CLN5: variants seen among roughly 807,000 people sequenced by gnomAD.
The protein encoded by CLN5 is bis(monoacylglycero)phosphate synthase CLN5.
Under a neutral mutation model 36.7 loss-of-function variants are expected in CLN5, and 34 were observed. The observed-to-expected ratio is 0.93, with a 90% confidence interval of 0.71 to 1.23. CLN5 has a LOEUF of 1.23. CLN5 is among the 50% of genes most tolerant of loss of function. The pLI, the probability that CLN5 is intolerant of heterozygous loss-of-function variation, is 0.00. For synonymous variants in CLN5, 151 were observed against 155.1 expected, an observed-to-expected ratio of 0.97 and a Z score of 0.20; for missense variants, 427 against 439.4, an observed-to-expected ratio of 0.97 and a Z score of 0.25.
At chr13:76,995,761 T>C in intron 2 of CLN5, 141 bp from the exon 3 acceptor site, 1 of 737,050 alleles carries the variant, frequency 1.4e-6, no homozygotes, top group East Asian at 2.7e-5. Context: ...AGAGTGGATA[T>C]GACAGTAGCA....
Position 76,992,165 on chromosome 13 carries a change from C to A in CLN5, c.67C>A (p.Arg23Ser). 4 of 1,604,998 alleles carry A rather than the reference C, an allele frequency of 2.5e-6. No individual in the cohort carries two copies. The highest frequency in any genetic ancestry group is 3.4e-6 in the Non-Finnish European group (4 of 1,177,472). ...GCGGGGCGCGGGCGCGGCTCGGGGACGCGCTTCCTGGTGCTGGGCCCTGGC... is the reference window on the plus strand; with the variant it reads ...GCGGGGCGCGGGCGCGGCTCGGGGAAGCGCTTCCTGGTGCTGGGCCCTGGC... ...MRRGAGAARG[R>S]ASWCWALALL... Residue 23 changes from arginine (R) to serine (S), a missense_variant, in exon 1 of 4, where the codon CGC becomes AGC. Arg to Ser is a moderately radical substitution (Grantham distance 110, BLOSUM62 -1). Transcript: ENST00000377453.
Position 76,992,273 on chromosome 13 carries a change from T to G in CLN5, c.173+2T>G. On this transcript the variant is annotated splice_donor_variant, in intron 1 of 3. Coordinates refer to ENST00000377453, the MANE Select transcript of CLN5 (RefSeq NM_006493.4). LOFTEE classifies it high-confidence loss of function. The stretch of plus-strand genomic sequence containing the variant: ...GCGCCACTGGCCGGTGCCCTACAAG[T>G]GAGTGCGGCGGCGCGCGCACTGTCG... 1 of 1,560,604 alleles carries G rather than the reference T, an allele frequency of 6.4e-7. No homozygotes were observed. The highest frequency in any genetic ancestry group is 2.3e-5 in the East Asian group (1 of 43,008).
Position 76,992,199 on chromosome 13 carries a change from G to C in CLN5, c.101G>C (p.Trp34Ser). 1 of 1,603,768 alleles carries C rather than the reference G, an allele frequency of 6.2e-7. No homozygotes were observed. The highest frequency in any genetic ancestry group is 8.5e-7 in the Non-Finnish European group (1 of 1,177,908). ...ASWCWALALL[W>S]LAVVPGWSRV... Reference sequence around the variant, plus strand: ...TGGTGCTGGGCCCTGGCGCTGCTTTGGCTCGCGGTGGTTCCGGGCTGGTCC... The same window carrying C: ...TGGTGCTGGGCCCTGGCGCTGCTTTCGCTCGCGGTGGTTCCGGGCTGGTCC... Residue 34 changes from tryptophan to serine, a missense_variant, in exon 1 of 4, where the codon TGG (tryptophan) becomes TCG (serine). Physicochemically the swap from Trp to Ser is radical, Grantham distance 177. Transcript: ENST00000377453.
chr13:76,994,691 A>C (rs2034235364), intron 1 of CLN5: 1 of 185,904 alleles, frequency 5.4e-6, no homozygotes, highest in Non-Finnish European at 1.1e-5. Context: ...TTATCTGAAT[A>C]ATCTTAATGT....
intron 3 of CLN5, chr13:76,997,757 C>T (rs1028953581): frequency 6.6e-6 from 1 of 152,134 alleles, no homozygotes; most frequent in Non-Finnish European, 1.5e-5. Flanking sequence ...GAATGTTTCC[C>T]TAAAAATGCT....
At chr13:76,995,651 A>G in intron 2 of CLN5, 1 of 565,528 alleles carries the variant, frequency 1.8e-6, no homozygotes, top group Non-Finnish European at 3.2e-6. Context: ...GGAAATTATC[A>G]GCTTGTCCAC....
At position 77,000,997 on chromosome 13, in the gene CLN5, C is replaced by T. The variant is rs754002698; in HGVS notation, c.*28C>T. The T allele has an allele frequency of 1.3e-5, 20 of 1,587,550 alleles. No homozygotes were observed. Among genetic ancestry groups the T allele is most frequent in the Non-Finnish European group, 1.5e-5 (18 of 1,166,816 alleles). ...CACCTTAATTCTACTGCTCTTTTTTCTCCAATCACCAGCATCTGTTTTTCA... is the reference window on the plus strand; with the variant it reads ...CACCTTAATTCTACTGCTCTTTTTTTTCCAATCACCAGCATCTGTTTTTCA... On this transcript the variant is annotated 3_prime_UTR_variant, in exon 4 of 4. Coordinates refer to ENST00000377453, the MANE Select transcript of CLN5 (RefSeq NM_006493.4).
chr13:77,000,451 A>C lies in CLN5; in HGVS notation c.566-7A>C. ...CTAGGTGACTTTGTTTTGTTTTTTT[A>C]AACTAGGAAACATGTTCAACCAAAT... On this transcript the variant is annotated splice_region_variant and splice_polypyrimidine_tract_variant and intron_variant, in intron 3 of 3. Transcript: ENST00000377453. 1 of 1,608,836 alleles carries C rather than the reference A, an allele frequency of 6.2e-7. No individual in the cohort carries two copies.
chr13:77,000,095 C>CA (rs1413567856), intron 3 of CLN5: 1 of 152,706 alleles, frequency 6.5e-6, no homozygotes, highest in Non-Finnish European at 1.5e-5. Context: ...CATGGTAGCT[C>CA]AAACCTATAA....
chr13:76,995,794 T>C (rs1384135437), intron 2 of CLN5, 108 bp from the exon 3 acceptor site: 3 of 826,446 alleles, frequency 3.6e-6, no homozygotes, highest in Non-Finnish European at 6.3e-6. Flanking sequence ...AGCTGAACAG[T>C]TGTTCTACTT....
At position 77,003,426 on chromosome 13, in the gene CLN5, T is replaced by C. The variant is rs1004523673; in HGVS notation, c.*2457T>C. 3.9e-5 allele frequency: 6 copies of C among 152,332 alleles called. No individual in the cohort carries two copies. The South Asian group carries it at 6.2e-4, about 16-fold the overall frequency. The allele number at this position is 152,332 out of a possible 1,614,324, so 9.4% of individuals were successfully genotyped here. A position where few individuals can be genotyped will look rare whatever the true frequency, so the allele number is the denominator to read the frequency against. ...CAGACAGCATTAACATTTACAAAAG[T>C]ATTTCTTAAGAATTAAACCTGTCAG... On this transcript the variant is annotated 3_prime_UTR_variant, in exon 4 of 4. Coordinates refer to ENST00000377453, the MANE Select transcript of CLN5 (RefSeq NM_006493.4).
At chr13:76,992,565 G>C in intron 1 of CLN5, 1 of 498,270 alleles carries the variant, frequency 2.0e-6, no homozygotes, top group Non-Finnish European at 3.5e-6. Flanking sequence ...ATTTAATGGA[G>C]GGACTTCTGG....
In CLN5 at chr13:77,001,685, A is replaced by G; in HGVS notation, c.*716A>G. 1 of 152,270 alleles carries G rather than the reference A, an allele frequency of 6.6e-6. No individual in the cohort carries two copies. Among genetic ancestry groups the G allele is most frequent in the East Asian group, 1.9e-4 (1 of 5,206 alleles). The allele number at this position is 152,270 out of a possible 1,614,324, so 9.4% of individuals were successfully genotyped here. ...TGGCAGGTCACATTGAATGGCAGTG[A>G]TAATGATTAATCAAAGAACAAATGT... On this transcript the variant is annotated 3_prime_UTR_variant, in exon 4 of 4. Transcript: ENST00000377453.
At position 76,996,010 on chromosome 13, in the gene CLN5, C is replaced by A. The variant is rs546989392; in HGVS notation, c.448C>A (p.Arg150=). The change falls in exon 3 of 4, where the codon CGA becomes AGA. Residue 150 remains arginine (R), a synonymous_variant. Transcript: ENST00000377453. The part of the protein sequence containing the change: ...QLGNCTFPHL[R]PEMDAPFWCN... ...TGGCAACTGTACATTTCCCCATCTC[C>A]GACCTGAAATGGATGCCCCTTTCTG... 1 of 1,614,030 alleles carries A rather than the reference C, an allele frequency of 6.2e-7. No individual in the cohort carries two copies. Among genetic ancestry groups the A allele is most frequent in the South Asian group, 1.1e-5 (1 of 91,086 alleles).
At chr13:76,995,774 A>G in intron 2 of CLN5, 128 bp from the exon 3 acceptor site, 1 of 773,520 alleles carries the variant, frequency 1.3e-6, no homozygotes, top group Admixed American at 1.9e-5. Context: ...CAGTAGCAGC[A>G]TGGAAGAACA....
rs748852120 is a variant in CLN5 at position 76,995,018 on chromosome 13, G to C, written c.174-45G>C. 1.9e-6 allele frequency: 3 copies of C among 1,583,868 alleles called. No individual in the cohort carries two copies. The African/African-American group carries it at 4.1e-5, about 21-fold the overall frequency. ...ATTCTAAAAGACGTGAGAAGAATCA[G>C]ATTCATTTTAGAATCTAAGTAGATG... is the stretch of plus-strand genomic sequence containing the variant. On this transcript the variant is annotated intron_variant, in intron 1 of 3. Coordinates refer to ENST00000377453, the MANE Select transcript of CLN5 (RefSeq NM_006493.4).
In CLN5 at chr13:76,996,117, A is replaced by G. The variant is rs1422278737; in HGVS notation, c.555A>G (p.Ala185=). ...WKENGTLVQV[A]TISGNMFNQM... ...AAAATGGGACATTAGTTCAAGTAGC[A>G]ACTATATCAGGTAAGTTGTGAAAAT... Residue 185 remains alanine, a synonymous_variant, in exon 3 of 4, where the codon GCA becomes GCG. Transcript: ENST00000377453. The G allele has an allele frequency of 1.9e-6, 3 of 1,613,028 alleles. No individual in the cohort carries two copies. The highest frequency in any genetic ancestry group is 1.7e-6 in the Non-Finnish European group (2 of 1,178,934).
intron 3 of CLN5, 66 bp downstream of exon 3, chr13:76,996,193 A>C: frequency 3.2e-6 from 4 of 1,244,364 alleles, no homozygotes; most frequent in Non-Finnish European, 4.7e-6. Flanking sequence ...AAATTGTTAT[A>C]CTTCCATTGA....
At position 77,004,099 on chromosome 13, in the gene CLN5, CAG is replaced by C. The variant is rs1566223910; in HGVS notation, c.*3131_*3132del. Reference sequence around the variant, plus strand: ...ATATTGTTGCATGTAGAGGAAAACACAGTGAAGAAACCTACTAACTTTATTTG... The same window carrying C: ...ATATTGTTGCATGTAGAGGAAAACACTGAAGAAACCTACTAACTTTATTTG... On this transcript the variant is annotated 3_prime_UTR_variant, in exon 4 of 4. Coordinates refer to ENST00000377453, the MANE Select transcript of CLN5 (RefSeq NM_006493.4). 1 of 144,660 alleles carries C rather than the reference CAG, an allele frequency of 6.9e-6. No homozygotes were observed. Among genetic ancestry groups the C allele is most frequent in the Non-Finnish European group, 1.5e-5 (1 of 67,748 alleles). The allele number at this position is 144,660 out of a possible 1,614,324, so 9.0% of individuals were successfully genotyped here. A position where few individuals can be genotyped will look rare whatever the true frequency, so the allele number is the denominator to read the frequency against.
Sources: gnomAD v4.1 joint callset for allele counts on GRCh38, gnomAD v4.1.1 for gene constraint, MANE v1.5 for transcripts, NCBI Gene and HGNC (gene_info 2026-07-23, HGNC 2026-07-21) for gene names.